KCTD1: variants seen among roughly 807,000 people sequenced by gnomAD.
KCTD1 encodes BTB/POZ domain-containing protein KCTD1.
Under a neutral mutation model 66.0 loss-of-function variants are expected in KCTD1, and 24 were observed. That is an observed-to-expected ratio of 0.36 (90% CI 0.26 to 0.51). The LOEUF is 0.51. Among genes scored for constraint, KCTD1 ranks in the 20% least tolerant of loss-of-function variants. The probability of loss-of-function intolerance (pLI) is 0.95; values close to 1 mark genes in which losing one functional copy is unlikely to be tolerated. For missense variants in KCTD1, 943 were observed against 1,205.2 expected (o/e 0.78, Z 3.22); for synonymous variants, 511 against 517.2 (o/e 0.99, Z 0.16).
At chr18:26,590,573 A>G (rs1272781381) in intron 1 of KCTD1, among the ~76,000 whole-genome samples, 1 of 152,154 alleles carries the variant, frequency 6.6e-6, no homozygotes, top group East Asian at 1.9e-4. Flanking sequence ...CTCTTAGAAA[A>G]TATAAACTTA....
At chr18:26,587,269 A>T (rs142982145) in intron 1 of KCTD1, among the ~76,000 whole-genome samples, 1,679 of 152,348 alleles carry the variant, frequency 0.011, 18 homozygotes, top group Non-Finnish European at 0.016. Context: ...CGAAGCCTGG[A>T]TAAAAGCACA....
chr18:26,547,652 G>A lies in KCTD1; in HGVS notation c.885C>T (p.Ser295=). Residue 295 remains serine, a synonymous_variant, in exon 1 of 5, where the codon TCC becomes TCT. Transcript: ENST00000580059. The part of the protein sequence containing the change: ...TRADLRKLYT[S]SVFSTNTPFG... ...AGGGCGTGTTGGTGCTGAAGACGCTGGAGGTGTACAGCTTGCGCAGGTCGG... is the reference window on the plus strand; with the variant it reads ...AGGGCGTGTTGGTGCTGAAGACGCTAGAGGTGTACAGCTTGCGCAGGTCGG... The A allele has an allele frequency of 3.2e-6, 5 of 1,551,646 alleles. No individual in the cohort carries two copies. The highest frequency in any genetic ancestry group is 3.5e-6 in the Non-Finnish European group (4 of 1,147,004).
chr18:26,554,532 C>T (rs980138703), intron 1 of KCTD1, among the ~76,000 whole-genome samples: 6 of 152,142 alleles, frequency 3.9e-5, no homozygotes, highest in African/African-American at 1.4e-4. Context: ...AAAGGAACGC[C>T]CACAAATTCA....
At chr18:26,492,871 C>G (rs186381058) in intron 2 of KCTD1, among the ~76,000 whole-genome samples, 3 of 152,090 alleles carry the variant, frequency 2.0e-5, no homozygotes, top group Admixed American at 6.5e-5. Context: ...ATATAAATAC[C>G]GTCCCTACCT....
chr18:26,521,097 C>G (rs1983887754), intron 1 of KCTD1, among the ~76,000 whole-genome samples: 1 of 152,186 alleles, frequency 6.6e-6, no homozygotes, highest in Admixed American at 6.5e-5. Context: ...GAGTGAAGGA[C>G]AGGGACAGGC....
chr18:26,551,695 A>G (rs8095324), upstream of KCTD1, among the ~76,000 whole-genome samples: 50,195 of 152,106 alleles, frequency 0.33, 8,709 homozygotes, highest in Non-Finnish European at 0.4. Flanking sequence ...ACACAAAATT[A>G]CAGTGGAGTT....
intron 1 of KCTD1, among the ~76,000 whole-genome samples, chr18:26,527,354 T>A (rs1984212756): frequency 6.6e-6 from 1 of 152,174 alleles, no homozygotes; most frequent in African/African-American, 2.4e-5. Flanking sequence ...CCTAATTCCA[T>A]GTCAGTGACT....
intron 1 of KCTD1, among the ~76,000 whole-genome samples, chr18:26,614,522 C>T (rs1987207990): frequency 6.6e-6 from 1 of 152,160 alleles, no homozygotes; most frequent in Admixed American, 6.5e-5. Flanking sequence ...ATGAATCGTT[C>T]AGCCTCACAA....
At chr18:26,523,726 T>G (rs1303301116) in intron 1 of KCTD1, among the ~76,000 whole-genome samples, 1 of 152,260 alleles carries the variant, frequency 6.6e-6, no homozygotes, top group African/African-American at 2.4e-5. Context: ...TCTTACTATC[T>G]AACACAGTTT....
At chr18:26,549,089 G>C, upstream of KCTD1, 1 of 985,012 alleles carries the variant, frequency 1.0e-6, no homozygotes, top group African/African-American at 1.7e-5. Context: ...CCCGTGTCTG[G>C]GGCCGCCCGG....
At chr18:26,542,603 G>A (rs1386746624) in intron 1 of KCTD1, among the ~76,000 whole-genome samples, 2 of 152,202 alleles carry the variant, frequency 1.3e-5, no homozygotes, top group Non-Finnish European at 2.9e-5. Flanking sequence ...GATCATCCAA[G>A]TGGTCTCACA....
intron 1 of KCTD1, among the ~76,000 whole-genome samples, chr18:26,523,323 G>T (rs1984004580): frequency 6.6e-6 from 1 of 152,148 alleles, no homozygotes; most frequent in Admixed American, 6.5e-5. Flanking sequence ...CTACTTTGGG[G>T]GAAACTCTGT....
chr18:26,616,269 C>T (rs1987251553), intron 1 of KCTD1, among the ~76,000 whole-genome samples: 2 of 151,230 alleles, frequency 1.3e-5, no homozygotes, highest in Admixed American at 1.3e-4. Flanking sequence ...TGATCAAATG[C>T]TTTAATCCCC....
chr18:26,485,610 T>G (rs1234895669), intron 2 of KCTD1, among the ~76,000 whole-genome samples: 2 of 152,340 alleles, frequency 1.3e-5, no homozygotes, highest in East Asian at 3.9e-4. Context: ...CAGATCATCA[T>G]AACCTCCCTG....
chr18:26,549,297 C>T, upstream of KCTD1: 4 of 985,380 alleles, frequency 4.1e-6, no homozygotes, highest in Non-Finnish European at 4.8e-6. Context: ...TCCCAACTCC[C>T]TTTCCGACTC....
upstream of KCTD1, among the ~76,000 whole-genome samples, chr18:26,550,621 C>T (rs889452302): frequency 4.0e-5 from 6 of 149,626 alleles, no homozygotes; most frequent in African/African-American, 1.5e-4. This position sits in a 1 kb window ranked among gnomAD's most constrained non-coding sequence, Gnocchi z 5.4. Context: ...TCTCATCCGC[C>T]CGGCTCTCCG....
At chr18:26,529,838 A>G (rs1355576482) in intron 1 of KCTD1, among the ~76,000 whole-genome samples, 2 of 152,262 alleles carry the variant, frequency 1.3e-5, no homozygotes, top group East Asian at 1.9e-4. Flanking sequence ...ATAAAAGTAA[A>G]AAGTAAAACA....
At chr18:26,462,635 T>G (rs531277380) in intron 3 of KCTD1, among the ~76,000 whole-genome samples, 158 of 152,334 alleles carry the variant, frequency 1.0e-3, no homozygotes, top group African/African-American at 3.7e-3. Context: ...GCCATTCATT[T>G]TCTTGGCAGG....
rs1323772831 is a variant in KCTD1 at position 26,547,706 on chromosome 18, C to G, written c.831G>C (p.Pro277=). ...GCGTGATGGCTTGCTTCTGCACCACCGGCCCGGCGCCCTGCTCCTCGAGCT... is the reference window on the plus strand; with the variant it reads ...GCGTGATGGCTTGCTTCTGCACCACGGGCCCGGCGCCCTGCTCCTCGAGCT... ...IRKLEEQGAG[P]VVQKQAITRA... is the part of the protein sequence containing the mutation. Residue 277 remains proline, a synonymous_variant, in exon 1 of 5, where the codon CCG becomes CCC. Transcript: ENST00000580059. 1 of 1,549,746 alleles carries G rather than the reference C, an allele frequency of 6.5e-7. No homozygotes were observed. Among genetic ancestry groups the G allele is most frequent in the Admixed American group, 2.0e-5 (1 of 50,998 alleles).
Sources: allele counts gnomAD v4.1 joint callset (sites outside exome capture counted in the v4.1 genomes callset), GRCh38; gene constraint gnomAD v4.1.1; non-coding constraint Gnocchi (gnomAD v3.1); transcripts MANE v1.5; gene names NCBI Gene and HGNC (gene_info 2026-07-23, HGNC 2026-07-21).